The following TMEM50B variants were observed in gnomAD, a reference collection of about 807,000 sequenced individuals.
TMEM50B encodes the protein HCV p7-trans-regulated protein 3.
Under a neutral mutation model 23.4 loss-of-function variants are expected in TMEM50B, and 14 were observed. The ratio of observed to expected loss-of-function variants is 0.60; its 90% CI spans 0.39 to 0.93. The LOEUF is 0.93. TMEM50B is among the 40% of genes least tolerant of loss of function. The probability of loss-of-function intolerance (pLI) is 0.00; values close to 1 mark genes in which losing one functional copy is unlikely to be tolerated. For missense variants in TMEM50B, 159 were observed against 193.0 expected (o/e 0.82, Z 1.04); for synonymous variants, 64 against 62.3 (o/e 1.03, Z -0.13).
chr21:33,455,889 G>T, intron 5 of TMEM50B, 105 bp from the exon 6 acceptor site: 1 of 824,596 alleles, frequency 1.2e-6, no homozygotes, highest in South Asian at 1.4e-5. Context: ...ACAACATACT[G>T]CTATTATTCA....
At chr21:33,462,138 T>C (rs2084222597) in intron 4 of TMEM50B, among the ~76,000 whole-genome samples, 1 of 152,148 alleles carries the variant, frequency 6.6e-6, no homozygotes, top group Admixed American at 6.6e-5. Flanking sequence ...TTTTATTATT[T>C]AGCTGTTTCA....
chr21:33,445,458 A>C (rs1338971029), downstream of TMEM50B, among the ~76,000 whole-genome samples: 2 of 152,290 alleles, frequency 1.3e-5, no homozygotes, highest in Non-Finnish European at 2.9e-5. Flanking sequence ...ACCTTGTGGC[A>C]AAAAGCTAAA....
chr21:33,470,082 C>T (rs1261816958), intron 1 of TMEM50B, among the ~76,000 whole-genome samples: 1 of 146,906 alleles, frequency 6.8e-6, no homozygotes, highest in Non-Finnish European at 1.5e-5. Context: ...GTTTCAAGGC[C>T]ACCATAAATT....
At position 33,436,130 on chromosome 21, in the gene TMEM50B, G is replaced by A. The variant is rs530944212; in HGVS notation, c.*2120+3084C>T. On this transcript the variant is annotated intron_variant and NMD_transcript_variant, in intron 8 of 8. Transcript: ENST00000420455. ...CCCAGCACTTTGGGAGGCCGAGGCG[G>A]GCGGATCACCTGAGGTCAGGAGTTC... 4.4e-4 allele frequency among the ~76,000 whole-genome samples: 66 copies of A among 151,594 alleles called. 2 individuals are homozygous for A. In the South Asian group the frequency reaches 0.011, roughly 25 times the overall value.
downstream of TMEM50B, among the ~76,000 whole-genome samples, chr21:33,448,196 T>C (rs2084083409): frequency 6.6e-6 from 1 of 152,022 alleles, no homozygotes; most frequent in Non-Finnish European, 1.5e-5. Flanking sequence ...GGTTTCAGTA[T>C]GTTGGCCAGG....
downstream of TMEM50B, among the ~76,000 whole-genome samples, chr21:33,444,803 CAA>C (rs60816843): frequency 8.1e-4 from 78 of 96,290 alleles, no homozygotes; most frequent in South Asian, 3.4e-3. Flanking sequence ...CATCTCTTTA[CAA>C]AAAAAAAAAA....
intron 6 of TMEM50B, 104 bp downstream of exon 6, chr21:33,455,623 T>C: frequency 1.0e-6 from 1 of 998,616 alleles, no homozygotes; most frequent in East Asian, 2.4e-5. Flanking sequence ...TCTATCATTG[T>C]AACCAATCCA....
intron 7 of TMEM50B, among the ~76,000 whole-genome samples, chr21:33,441,162 G>C (rs1488261473): frequency 6.6e-6 from 1 of 151,654 alleles, no homozygotes; most frequent in Admixed American, 6.6e-5. Flanking sequence ...CCCACAAGGT[G>C]GAAGTTGCAG....
intron 4 of TMEM50B, among the ~76,000 whole-genome samples, chr21:33,462,949 A>G (rs2084230424): frequency 6.6e-6 from 1 of 152,224 alleles, no homozygotes. Context: ...CAAATTCTCC[A>G]TGGATTCCAG....
intron 6 of TMEM50B, among the ~76,000 whole-genome samples, chr21:33,454,770 C>T (rs1243822060): frequency 1.3e-5 from 2 of 152,034 alleles, no homozygotes; most frequent in Admixed American, 1.3e-4. Flanking sequence ...CAAATCCAGG[C>T]TTCTCATTTA....
chr21:33,437,308 C>T, intron 8 of TMEM50B: 1 of 269,484 alleles, frequency 3.7e-6, no homozygotes, highest in South Asian at 4.1e-5. Context: ...AGTCAGAAGA[C>T]CTGGTCGTCG....
chr21:33,468,704 C>T, intron 2 of TMEM50B, 83 bp downstream of exon 2: 1 of 1,060,994 alleles, frequency 9.4e-7, no homozygotes, highest in Non-Finnish European at 1.4e-6. Context: ...TCTGGAAAGC[C>T]ATTCTCAGTT....
rs1338974058 is a variant in TMEM50B at position 33,432,564 on chromosome 21, GT to G, written c.*2358del. ...TACAGGATTGACTTTAGCTATTAAT[GT>G]AAGCATACCAGGTGAGGGTGGGGGG... On this transcript the variant is annotated 3_prime_UTR_variant and NMD_transcript_variant, in exon 9 of 9. Coordinates refer to the TMEM50B transcript ENST00000420455. 115 of 939,010 alleles carry G rather than the reference GT, an allele frequency of 1.2e-4. 1 individual carries two copies. The East Asian group carries it at 2.6e-3, about 21-fold the overall frequency. 58.2% of individuals were successfully genotyped at this position (939,010 alleles called of 1,614,324 possible). A position where few individuals can be genotyped will look rare whatever the true frequency, so the allele number is the denominator to read the frequency against.
At chr21:33,442,229 C>T (rs2084014631) in intron 7 of TMEM50B, among the ~76,000 whole-genome samples, 1 of 152,136 alleles carries the variant, frequency 6.6e-6, no homozygotes, top group African/African-American at 2.4e-5. Context: ...AGTCATGCCT[C>T]CCCACCCTTC....
At chr21:33,440,649 G>A (rs1421983828) in intron 7 of TMEM50B, among the ~76,000 whole-genome samples, 2 of 149,860 alleles carry the variant, frequency 1.3e-5, no homozygotes, top group South Asian at 2.1e-4. Context: ...TTGGGAGGCT[G>A]AGGCAGGAGG....
Position 33,455,759 on chromosome 21 carries a change from A to C in TMEM50B, c.399T>G (p.Ala133=). ...TQNTDVYPGL[A]VFFQNALIFF... ...ATATAAGTGCATTTTGAAAAAACACAGCTAGTCCCGGATAAACATCAGTAT... is the reference window on the plus strand; with the variant it reads ...ATATAAGTGCATTTTGAAAAAACACCGCTAGTCCCGGATAAACATCAGTAT... Residue 133 remains alanine (A), a synonymous_variant, in exon 6 of 7, where the codon GCT becomes GCG. Coordinates refer to ENST00000542230, the MANE Select transcript of TMEM50B (RefSeq NM_006134.7). 3.1e-6 allele frequency: 5 copies of C among 1,614,020 alleles called. No homozygotes were observed. The highest frequency in any genetic ancestry group is 4.2e-6 in the Non-Finnish European group (5 of 1,179,932).
rs1234020717 is a variant in TMEM50B, at chr21:33,479,894, T to A, written c.-98A>T. ...GGCGCGCGCGCAGGAAGGAGACTGC[T>A]GCGCCACAACCCTGCCGGCGTCCCG... On this transcript the variant is annotated 5_prime_UTR_variant, in exon 1 of 7. Transcript: ENST00000542230. 1 of 152,238 alleles carries A rather than the reference T, an allele frequency of 6.6e-6. No homozygotes were observed. The highest frequency in any genetic ancestry group is 1.5e-5 in the Non-Finnish European group (1 of 68,086). 9.4% of individuals were successfully genotyped at this position (152,238 alleles called of 1,614,324 possible).
intron 7 of TMEM50B, among the ~76,000 whole-genome samples, chr21:33,442,408 C>T (rs1237569564): frequency 6.6e-6 from 1 of 152,132 alleles, no homozygotes; most frequent in Non-Finnish European, 1.5e-5. Flanking sequence ...GGCCTCAGAG[C>T]CACCCGTTGC....
At chr21:33,447,732 A>C (rs2084077867), downstream of TMEM50B, among the ~76,000 whole-genome samples, 1 of 149,928 alleles carries the variant, frequency 6.7e-6, no homozygotes, top group South Asian at 2.1e-4. Flanking sequence ...ATATATATAT[A>C]CTGGAAAAAT....
Sources: allele counts gnomAD v4.1 joint callset (sites outside exome capture counted in the v4.1 genomes callset), GRCh38; gene constraint gnomAD v4.1.1; transcripts MANE v1.5; gene names NCBI Gene and HGNC (gene_info 2026-07-23, HGNC 2026-07-21).